Variants in PTGES3 observed in about 807,000 individuals in gnomAD.
PTGES3 encodes Hsp90 co-chaperone.
In PTGES3, 5 loss-of-function variants were observed where a neutral mutation model predicts 29.9. The observed-to-expected ratio is 0.17, with a 90% CI of 0.09 to 0.35. The LOEUF (loss-of-function observed/expected upper bound fraction) is 0.35. Ranked by LOEUF, PTGES3 falls within the 10% of genes least tolerant of loss-of-function variation. The pLI is 1.00. For missense variants in PTGES3, 128 were observed against 190.0 expected (o/e 0.67, Z 1.92); for synonymous variants, 49 against 57.8 (o/e 0.85, Z 0.69).
intron 1 of PTGES3, among the ~76,000 whole-genome samples, chr12:56,679,990 T>A (rs148302079): frequency 2.6e-5 from 4 of 151,702 alleles, no homozygotes; most frequent in Admixed American, 6.6e-5. Flanking sequence ...CATATGTTAA[T>A]AGGAGAAAAA....
intron 1 of PTGES3, among the ~76,000 whole-genome samples, chr12:56,679,129 A>G (rs1433218091): frequency 2.6e-5 from 4 of 152,090 alleles, no homozygotes; most frequent in Admixed American, 6.6e-5. Flanking sequence ...AGAAGCATGG[A>G]GACCAGGAGT....
intron 5 of PTGES3, among the ~76,000 whole-genome samples, chr12:56,668,142 G>C (rs1325307966): frequency 6.6e-6 from 1 of 152,154 alleles, no homozygotes; most frequent in African/African-American, 2.4e-5. Flanking sequence ...TAAAAGAGTA[G>C]ATTTCATGTG....
intron 1 of PTGES3, among the ~76,000 whole-genome samples, chr12:56,682,129 G>A (rs781082113): frequency 9.9e-5 from 15 of 152,044 alleles, no homozygotes; most frequent in Non-Finnish European, 2.1e-4. Context: ...TTACATGTGT[G>A]AGCCACCGTG....
chr12:56,667,404 C>T (rs1246854852), intron 5 of PTGES3, among the ~76,000 whole-genome samples: 1 of 152,068 alleles, frequency 6.6e-6, no homozygotes, highest in Non-Finnish European at 1.5e-5. Context: ...CATGATTACC[C>T]AGATTTTAGA....
intron 4 of PTGES3, among the ~76,000 whole-genome samples, chr12:56,670,970 G>A (rs149901832): frequency 3.5e-4 from 53 of 152,238 alleles, no homozygotes; most frequent in African/African-American, 1.1e-3. Flanking sequence ...TTTCCTGGGC[G>A]TGGTGGCACA....
intron 3 of PTGES3, among the ~76,000 whole-genome samples, 189 bp from the exon 4 acceptor site, chr12:56,672,036 AAAT>A (rs1952023959): frequency 6.6e-6 from 1 of 152,206 alleles, no homozygotes; most frequent in South Asian, 2.1e-4. Flanking sequence ...ATTTAAAAAA[AAAT>A]TTTTTTTTCC....
intron 6 of PTGES3, 91 bp downstream of exon 6, chr12:56,666,113 T>C (rs970987175): frequency 1.4e-6 from 2 of 1,408,364 alleles, no homozygotes; most frequent in African/African-American, 3.0e-5. Context: ...TAAGAAGTAA[T>C]TGTGAATCTA....
chr12:56,671,132 C>G (rs541158626), intron 4 of PTGES3, among the ~76,000 whole-genome samples: 1 of 152,186 alleles, frequency 6.6e-6, no homozygotes, highest in South Asian at 2.1e-4. Flanking sequence ...GGTGTCGTGG[C>G]TCATGCCTGT....
Position 56,685,131 on chromosome 12 carries a change from T to C in PTGES3, c.2+2867A>G, listed in dbSNP as rs1405575562. Reference sequence around the variant, plus strand: ...AAAAAAACACTTTTAAAACAAGTTATCAACAAAATAAACCCTTATCAGCCA... The same window carrying C: ...AAAAAAACACTTTTAAAACAAGTTACCAACAAAATAAACCCTTATCAGCCA... On this transcript the variant is annotated intron_variant, in intron 1 of 7. Transcript: ENST00000262033. 6.0e-4 allele frequency among the ~76,000 whole-genome samples: 91 copies of C among 152,042 alleles called. 1 individual carries two copies. The highest frequency in any genetic ancestry group is 2.9e-5 in the Non-Finnish European group (2 of 68,024).
At chr12:56,674,348 G>T (rs146289913) in intron 1 of PTGES3, among the ~76,000 whole-genome samples, 5 of 152,166 alleles carry the variant, frequency 3.3e-5, no homozygotes, top group African/African-American at 1.2e-4. Flanking sequence ...GAAATGTGAA[G>T]AAATAAATTT....
intron 1 of PTGES3, among the ~76,000 whole-genome samples, chr12:56,681,071 C>A (rs1034483425): frequency 6.6e-6 from 1 of 152,022 alleles, no homozygotes; most frequent in African/African-American, 2.4e-5. Flanking sequence ...CATACCTGGT[C>A]CCCCCATTTG....
At chr12:56,669,201 T>C (rs1438092101) in intron 5 of PTGES3, among the ~76,000 whole-genome samples, 1 of 151,624 alleles carries the variant, frequency 6.6e-6, no homozygotes, top group Admixed American at 6.6e-5. Context: ...ATTTAATTAT[T>C]TATTAATTTA....
Position 56,670,347 on chromosome 12 carries a change from G to A in PTGES3, c.303C>T (p.Val101=), listed in dbSNP as rs142697986. ...KERAKLNWLS[V]DFNNWKDWED... ...CCCAGTCTTTCCAATTATTGAAGTC[G>A]ACACTAAGCCAATTAAGCTATAAAT... is the stretch of plus-strand genomic sequence containing the variant. The change falls in exon 5 of 8, where the codon GTC becomes GTT. Residue 101 remains valine (V), a synonymous_variant. Transcript: ENST00000262033. 8.0e-5 allele frequency: 129 copies of A among 1,610,890 alleles called. No homozygotes were observed. Among genetic ancestry groups the A allele is most frequent in the Non-Finnish European group, 9.1e-5 (107 of 1,177,246 alleles).
At chr12:56,687,499 G>C (rs1245452172) in intron 1 of PTGES3, 5 of 996,312 alleles carry the variant, frequency 5.0e-6, no homozygotes, top group Non-Finnish European at 6.0e-6. Context: ...AGCAGTACCT[G>C]CAGCTCACGG....
At chr12:56,683,205 C>G (rs1376335700) in intron 1 of PTGES3, among the ~76,000 whole-genome samples, 2 of 151,490 alleles carry the variant, frequency 1.3e-5, no homozygotes, top group Non-Finnish European at 2.9e-5. Flanking sequence ...TAAAATTAGG[C>G]CAGATGCAGT....
At chr12:56,682,770 G>A (rs1163376397) in intron 1 of PTGES3, among the ~76,000 whole-genome samples, 3 of 147,412 alleles carry the variant, frequency 2.0e-5, no homozygotes, top group Admixed American at 6.9e-5. Context: ...TGTAATCCTA[G>A]CACTTTGGAA....
At chr12:56,675,299 CAAAAAAGAAAAA>C (rs1289924391) in intron 1 of PTGES3, among the ~76,000 whole-genome samples, 17 of 144,338 alleles carry the variant, frequency 1.2e-4, no homozygotes, top group Admixed American at 2.1e-4. Flanking sequence ...GACTCTGTCT[CAAAAAAGAAAAA>C]GAAAAAGAAA....
chr12:56,681,442 G>A (rs1952536394), intron 1 of PTGES3, among the ~76,000 whole-genome samples: 1 of 148,040 alleles, frequency 6.8e-6, no homozygotes, highest in Non-Finnish European at 1.5e-5. Context: ...GGAGGCTGAG[G>A]CAGGAGAATG....
chr12:56,685,462 G>C (rs372010350), intron 1 of PTGES3, among the ~76,000 whole-genome samples: 3 of 146,862 alleles, frequency 2.0e-5, no homozygotes, highest in Non-Finnish European at 4.5e-5. Flanking sequence ...GTACAGTGGC[G>C]CAATCGCCGC....
Sources: allele counts gnomAD v4.1 joint callset (sites outside exome capture counted in the v4.1 genomes callset), GRCh38; gene constraint gnomAD v4.1.1; transcripts MANE v1.5; gene names NCBI Gene and HGNC (gene_info 2026-07-23, HGNC 2026-07-21).